Variants in LCP2 observed in about 807,000 individuals in gnomAD.
LCP2 encodes 76 kDa tyrosine phosphoprotein.
Under a neutral mutation model 74.5 loss-of-function variants are expected in LCP2, and 29 were observed. The observed-to-expected ratio is 0.39, with a 90% confidence interval of 0.29 to 0.53. The LOEUF is 0.53. Among genes scored for constraint, LCP2 ranks in the 20% least tolerant of loss-of-function variants. The pLI is 0.72. For missense variants in LCP2, 604 were observed against 634.6 expected (o/e 0.95, Z 0.52); for synonymous variants, 228 against 229.5 (o/e 0.99, Z 0.06).
chr5:170,290,948 AAAGAAAAGAAAGAAAGAAAGAAAGAAAG>A (rs1762277849), intron 2 of LCP2, among the ~76,000 whole-genome samples: 1 of 94,588 alleles, frequency 1.1e-5, no homozygotes, highest in Non-Finnish European at 2.1e-5. Flanking sequence ...AGAAAGAAAG[AAAGAAAAGAAAGAAAGAAAGAAAGAAAG>A]AAAGAAAGAA....
intron 3 of LCP2, among the ~76,000 whole-genome samples, chr5:170,279,728 A>G (rs572158804): frequency 2.6e-4 from 39 of 152,304 alleles, no homozygotes; most frequent in African/African-American, 8.2e-4. Flanking sequence ...TTGTTTTAAA[A>G]AAGGAGGAGA....
chr5:170,253,242 A>G, intron 17 of LCP2, 29 bp from the exon 18 acceptor site: 1 of 1,443,126 alleles, frequency 6.9e-7, no homozygotes, highest in Non-Finnish European at 9.6e-7. Context: ...CTGACAGTTA[A>G]TTTACTGTAA....
chr5:170,257,282 G>A (rs540613069), intron 16 of LCP2, among the ~76,000 whole-genome samples: 1 of 152,356 alleles, frequency 6.6e-6, no homozygotes, highest in Non-Finnish European at 1.5e-5. Flanking sequence ...GCAGATGCCA[G>A]CGGGAAGAGG....
chr5:170,268,455 TG>T lies in LCP2; in HGVS notation c.550del (p.Gln184SerfsTer52), dbSNP rs1437939181. ...IDRPPSGKTP[Q>X]QPPVPPQRPM... ...TCTCTGGGGGGGCACAGGAGGCTGC[TG>T]GGGGGTTTTCCCAGAGGGGGGCCGG... On this transcript the variant is annotated frameshift_variant, in exon 8 of 21. Transcript: ENST00000046794. LOFTEE classifies it high-confidence loss of function. 60 of 200,168 alleles carry T rather than the reference TG, an allele frequency of 3.0e-4. No homozygotes were observed. The highest frequency in any genetic ancestry group is 7.7e-4 in the Middle Eastern group (1 of 1,306). 12.4% of individuals were successfully genotyped at this position (200,168 alleles called of 1,614,324 possible).
In LCP2 at chr5:170,250,864, C is replaced by G; in HGVS notation, c.1345G>C (p.Asp449His). Residue 449 changes from aspartate (D) to histidine (H), a missense_variant, in exon 20 of 21, where the codon GAC (aspartate) becomes CAC (histidine). Coordinates refer to ENST00000046794, the MANE Select transcript of LCP2 (RefSeq NM_005565.5). Reference sequence around the variant, plus strand: ...TTGGTTGTTGTTTTTTTAGAGCTGTCTCTGACCAGAAATGTGCCATCCTAA... The same window carrying G: ...TTGGTTGTTGTTTTTTTAGAGCTGTGTCTGACCAGAAATGTGCCATCCTAA... ...INQDGTFLVR[D>H]SSKKTTTNPY... The G allele has an allele frequency of 6.2e-7, 1 of 1,613,642 alleles. No homozygotes were observed. Among genetic ancestry groups the G allele is most frequent in the Non-Finnish European group, 8.5e-7 (1 of 1,179,654 alleles).
chr5:170,262,912 T>A lies in LCP2; in HGVS notation c.799-51A>T, dbSNP rs984977353. 4.3e-6 allele frequency: 7 copies of A among 1,613,970 alleles called. No homozygotes were observed. The African/African-American group carries it at 6.7e-5, about 15-fold the overall frequency. ...GAGTGTCCAAGCACTTTTCAAAGAA[T>A]AAGGACAAGATGTGAAACAAACAAA... On this transcript the variant is annotated intron_variant, in intron 11 of 20. Coordinates refer to ENST00000046794, the MANE Select transcript of LCP2 (RefSeq NM_005565.5).
rs189817136 is a variant in LCP2, at chr5:170,279,570, G to A, written c.189-3710C>T. Among the ~76,000 whole-genome samples, 254 of 152,338 alleles carry A rather than the reference G, an allele frequency of 1.7e-3. 2 individuals are homozygous for A. The highest frequency in any genetic ancestry group is 6.0e-3 in the African/African-American group (249 of 41,576). On this transcript the variant is annotated intron_variant, in intron 3 of 20. Transcript: ENST00000046794. Reference sequence around the variant, plus strand: ...TTGCAAACACTGATCACCAGGCCCAGCCTAGACCTACCTGAACGGACTCTC... The same window carrying A: ...TTGCAAACACTGATCACCAGGCCCAACCTAGACCTACCTGAACGGACTCTC...
At chr5:170,271,685 A>G (rs543876751) in intron 6 of LCP2, among the ~76,000 whole-genome samples, 8 of 151,758 alleles carry the variant, frequency 5.3e-5, no homozygotes, top group African/African-American at 1.9e-4. Flanking sequence ...CATCAGAATG[A>G]CCTCCCAAGC....
chr5:170,287,876 G>A (rs1230382136), intron 3 of LCP2, 94 bp downstream of exon 3: 17 of 1,152,666 alleles, frequency 1.5e-5, no homozygotes, highest in South Asian at 3.7e-5. Context: ...ATTTCAAGCC[G>A]ACAATGACAT....
At chr5:170,248,952 G>A (rs1761362918) in intron 20 of LCP2, 133 bp from the exon 21 acceptor site, 1 of 825,176 alleles carries the variant, frequency 1.2e-6, no homozygotes, top group East Asian at 2.8e-5. Flanking sequence ...AAATGTAAAT[G>A]TGGCAATTAG....
chr5:170,295,557 C>T (rs1361244125), intron 1 of LCP2, among the ~76,000 whole-genome samples: 1 of 152,240 alleles, frequency 6.6e-6, no homozygotes, highest in Non-Finnish European at 1.5e-5. Context: ...TGTGTCCGAC[C>T]TCAGAGCTGA....
rs1761913090 is a variant in LCP2, at chr5:170,272,592, A to ATTTTTTTTTTTTT, written c.325-1676_325-1675insAAAAAAAAAAAAA. On this transcript the variant is annotated intron_variant, in intron 6 of 20. Transcript: ENST00000046794. ...CGGTTATAACTGTAACCCATCAAAT[A>ATTTTTTTTTTTTT]TTTTCTTTTTTTTTTTTTTTTTTTT... is the stretch of plus-strand genomic sequence containing the variant. 2.0e-4 allele frequency among the ~76,000 whole-genome samples: 7 copies of ATTTTTTTTTTTTT among 34,322 alleles called. 1 individual carries two copies. The highest frequency in any genetic ancestry group is 1.3e-3 in the Admixed American group (3 of 2,400). 22.5% of individuals were successfully genotyped at this position (34,322 alleles called of 152,430 possible). A position where few individuals can be genotyped will look rare whatever the true frequency, so the allele number is the denominator to read the frequency against.
In LCP2 at chr5:170,267,919, G is replaced by A. The variant is rs552259346; in HGVS notation, c.621+466C>T. 4.6e-5 allele frequency among the ~76,000 whole-genome samples: 7 copies of A among 152,278 alleles called. No homozygotes were observed. The South Asian group carries it at 1.0e-3, about 23-fold the overall frequency. On this transcript the variant is annotated intron_variant, in intron 8 of 20. Coordinates refer to ENST00000046794, the MANE Select transcript of LCP2 (RefSeq NM_005565.5). The stretch of plus-strand genomic sequence containing the variant: ...AAGTCCTTAGTCTGAGCTTCTCAGG[G>A]TCACTCTGGGAACTTATCAGATTCA...
intron 14 of LCP2, among the ~76,000 whole-genome samples, chr5:170,260,047 T>G (rs1227942078): frequency 6.6e-6 from 1 of 152,210 alleles, no homozygotes; most frequent in Non-Finnish European, 1.5e-5. Context: ...CCGTGGGCAC[T>G]GGTATCCACC....
At chr5:170,289,617 T>TTCTCTTTC (rs1350461834) in intron 2 of LCP2, among the ~76,000 whole-genome samples, 3 of 122,136 alleles carry the variant, frequency 2.5e-5, no homozygotes, top group African/African-American at 9.7e-5. Context: ...CTTTCTTTCT[T>TTCTCTTTC]TTTCTTTCTT....
chr5:170,275,967 A>G, intron 3 of LCP2, 107 bp from the exon 4 acceptor site: 2 of 900,888 alleles, frequency 2.2e-6, no homozygotes, highest in South Asian at 2.9e-5. Context: ...CACCAGGGCC[A>G]ACTTTGGCCA....
intron 16 of LCP2, 77 bp downstream of exon 16, chr5:170,257,960 A>T: frequency 6.7e-7 from 1 of 1,498,460 alleles, no homozygotes; most frequent in Admixed American, 1.7e-5. Context: ...TTCTTTCTCA[A>T]TCTGCCTGGC....
intron 10 of LCP2, 73 bp from the exon 11 acceptor site, chr5:170,263,065 A>T (rs1245058294): frequency 6.5e-7 from 1 of 1,537,826 alleles, no homozygotes; most frequent in Non-Finnish European, 8.9e-7. Flanking sequence ...ACACAGTTTG[A>T]TGAAACTATG....
At chr5:170,288,927 G>C (rs1235584402) in intron 2 of LCP2, among the ~76,000 whole-genome samples, 1 of 152,210 alleles carries the variant, frequency 6.6e-6, no homozygotes, top group Non-Finnish European at 1.5e-5. Context: ...GAGCAGAAAA[G>C]AGACTGGGCA....
Sources: gnomAD v4.1 joint callset for allele counts (sites outside exome capture counted in the v4.1 genomes callset) on GRCh38, gnomAD v4.1.1 for gene constraint, MANE v1.5 for transcripts, NCBI Gene and HGNC (gene_info 2026-07-23, HGNC 2026-07-21) for gene names.